CCNJL: variants seen among roughly 807,000 people sequenced by gnomAD.
The protein encoded by CCNJL is cyclin J like.
Under a neutral mutation model 33.4 loss-of-function variants are expected in CCNJL, and 33 were observed. The observed-to-expected ratio is 0.99, with a 90% CI of 0.75 to 1.32. The LOEUF (loss-of-function observed/expected upper bound fraction) is 1.32. CCNJL is among the 40% of genes most tolerant of loss of function. CCNJL has a pLI of 0.00. For synonymous variants in CCNJL, 227 were observed against 220.9 expected (o/e 1.03, Z -0.24); for missense variants, 512 against 499.7 (o/e 1.02, Z -0.23).
chr5:160,297,395 G>C, intron 2 of CCNJL, among the ~76,000 whole-genome samples: 1 of 37,350 alleles, frequency 2.7e-5, no homozygotes, highest in South Asian at 5.6e-4. Context: ...TGACTGCTTG[G>C]CTTCTTCCTA....
At chr5:160,301,465 A>G (rs2113424997) in intron 2 of CCNJL, among the ~76,000 whole-genome samples, 1 of 148,518 alleles carries the variant, frequency 6.7e-6, no homozygotes, top group South Asian at 2.1e-4. Context: ...ATGGAGTCTC[A>G]CTCTGTCACC....
At chr5:160,303,123 A>G (rs1762976353) in intron 2 of CCNJL, among the ~76,000 whole-genome samples, 1 of 152,184 alleles carries the variant, frequency 6.6e-6, no homozygotes, top group African/African-American at 2.4e-5. Flanking sequence ...TCCAATAATC[A>G]GGAATTGGGT....
chr5:160,288,646 G>A (rs546294741), intron 2 of CCNJL, among the ~76,000 whole-genome samples: 9 of 151,948 alleles, frequency 5.9e-5, no homozygotes, highest in South Asian at 2.1e-4. Flanking sequence ...TGAGGCGGGC[G>A]GATCACGAGG....
At chr5:160,257,061 C>T (rs1011766416) in intron 4 of CCNJL, among the ~76,000 whole-genome samples, 28 of 152,072 alleles carry the variant, frequency 1.8e-4, no homozygotes, top group Admixed American at 1.6e-3. Flanking sequence ...TACAAACGAT[C>T]ATTCAGTCAG....
At chr5:160,320,831 T>TTCTTTCTTTCTTTCTTTC (rs1561812472) in intron 1 of CCNJL, among the ~76,000 whole-genome samples, 9 of 123,922 alleles carry the variant, frequency 7.3e-5, no homozygotes, top group African/African-American at 2.4e-4. Context: ...CTTTCTTTCT[T>TTCTTTCTTTCTTTCTTTC]TCTTTCTTTC....
chr5:160,282,980 T>C lies in CCNJL; in HGVS notation c.67-2242A>G, dbSNP rs1056397704. ...CCAGTCCTTGGAATATATATATATA[T>C]ATATATATATATATATATATATATA... On this transcript the variant is annotated intron_variant, in intron 2 of 5. Transcript: ENST00000257536. Among the ~76,000 whole-genome samples, 85 of 71,166 alleles carry C rather than the reference T, an allele frequency of 1.2e-3. 3 individuals carry two copies. The highest frequency in any genetic ancestry group is 2.7e-3 in the South Asian group (5 of 1,844). The allele number at this position is 71,166 out of a possible 152,430, so 46.7% of individuals were successfully genotyped here. A position where few individuals can be genotyped will look rare whatever the true frequency, so the allele number is the denominator to read the frequency against.
chr5:160,252,351 G>A lies in CCNJL; in HGVS notation c.*1027C>T, dbSNP rs527564718. The A allele has an allele frequency of 5.5e-4, 84 of 152,568 alleles. No individual in the cohort carries two copies. Among genetic ancestry groups the A allele is most frequent in the Non-Finnish European group, 9.1e-4 (62 of 68,036 alleles). 9.5% of individuals were successfully genotyped at this position (152,568 alleles called of 1,614,324 possible). A position where few individuals can be genotyped will look rare whatever the true frequency, so the allele number is the denominator to read the frequency against. ...CAAATTTTCCACATTGCTATCCTTC[G>A]CTATCAGCCACACTCAAAGCCTAGA... On this transcript the variant is annotated 3_prime_UTR_variant, in exon 6 of 6. Transcript: ENST00000257536.
At chr5:160,261,563 T>G (rs1056063276) in intron 3 of CCNJL, among the ~76,000 whole-genome samples, 2 of 152,120 alleles carry the variant, frequency 1.3e-5, no homozygotes, top group Admixed American at 1.3e-4. Flanking sequence ...CCTGCATGGC[T>G]GGAAATCCCA....
chr5:160,339,391 C>T (rs1425140922), intron 1 of CCNJL: 5 of 375,868 alleles, frequency 1.3e-5, no homozygotes, highest in East Asian at 8.0e-5. Flanking sequence ...ACGCCAAAAC[C>T]CCAAAACACA....
At chr5:160,265,713 G>A (rs1761552087) in intron 3 of CCNJL, among the ~76,000 whole-genome samples, 1 of 151,202 alleles carries the variant, frequency 6.6e-6, no homozygotes, top group Non-Finnish European at 1.5e-5. Flanking sequence ...AAAATCAGCT[G>A]GGTGTGGTGG....
upstream of CCNJL, among the ~76,000 whole-genome samples, chr5:160,314,966 T>A (rs952661581): frequency 6.6e-6 from 1 of 152,190 alleles, no homozygotes; most frequent in Non-Finnish European, 1.5e-5. Context: ...AATCAAAACA[T>A]TTTAAACTGT....
intron 2 of CCNJL, among the ~76,000 whole-genome samples, chr5:160,286,920 C>T (rs1221079915): frequency 2.0e-5 from 3 of 151,932 alleles, no homozygotes; most frequent in Admixed American, 6.6e-5. Context: ...TCTTTGTGGC[C>T]GAAAATTTAC....
At chr5:160,295,579 T>A (rs550098130) in intron 2 of CCNJL, among the ~76,000 whole-genome samples, 1 of 152,166 alleles carries the variant, frequency 6.6e-6, no homozygotes, top group South Asian at 2.1e-4. Context: ...CTAATCAGTG[T>A]TTTGTGTTCT....
upstream of CCNJL, among the ~76,000 whole-genome samples, chr5:160,314,911 T>G (rs918389266): frequency 3.9e-5 from 6 of 152,174 alleles, no homozygotes; most frequent in Admixed American, 3.3e-4. Flanking sequence ...ATCCACAGTG[T>G]TGTTGGGAAT....
chr5:160,259,069 T>G (rs964347119), intron 4 of CCNJL, among the ~76,000 whole-genome samples: 1 of 152,222 alleles, frequency 6.6e-6, no homozygotes, highest in African/African-American at 2.4e-5. Context: ...AAGTTTCAAG[T>G]AACAGGGTAA....
At chr5:160,293,591 CTG>C (rs1762655149) in intron 2 of CCNJL, among the ~76,000 whole-genome samples, 3 of 152,322 alleles carry the variant, frequency 2.0e-5, no homozygotes, top group East Asian at 3.9e-4. Context: ...TCCTGTTTCT[CTG>C]TGCGCACGCA....
upstream of CCNJL, among the ~76,000 whole-genome samples, chr5:160,313,409 C>T (rs1763335309): frequency 6.6e-6 from 1 of 152,144 alleles, no homozygotes; most frequent in Admixed American, 6.5e-5. Context: ...TTAAACCAAC[C>T]TGCTGAAAAT....
chr5:160,308,287 T>C (rs952590320), intron 2 of CCNJL, among the ~76,000 whole-genome samples: 1 of 152,170 alleles, frequency 6.6e-6, no homozygotes, highest in Non-Finnish European at 1.5e-5. Context: ...GTAAAACGTT[T>C]CTCCCAGCTT....
At chr5:160,294,236 T>C (rs921399511) in intron 2 of CCNJL, among the ~76,000 whole-genome samples, 1 of 152,150 alleles carries the variant, frequency 6.6e-6, no homozygotes, top group South Asian at 2.1e-4. Context: ...GATTGCTTCA[T>C]AAGGCCCAAG....
Sources: gnomAD v4.1 joint callset for allele counts (sites outside exome capture counted in the v4.1 genomes callset) on GRCh38, gnomAD v4.1.1 for gene constraint, MANE v1.5 for transcripts, NCBI Gene and HGNC (gene_info 2026-07-23, HGNC 2026-07-21) for gene names.